The following CNTNAP2 variants were observed in gnomAD, a reference collection of about 807,000 sequenced individuals.
The protein encoded by CNTNAP2 is contactin associated protein 2.
Under a neutral mutation model 155.2 loss-of-function variants are expected in CNTNAP2, and 98 were observed. The ratio of observed to expected loss-of-function variants is 0.63; its 90% CI spans 0.54 to 0.75. The LOEUF (loss-of-function observed/expected upper bound fraction) is 0.75. CNTNAP2 is among the 30% of genes least tolerant of loss of function. The probability of loss-of-function intolerance (pLI) is 0.00; values close to 1 mark genes in which losing one functional copy is unlikely to be tolerated. For missense variants in CNTNAP2, 1,727 were observed against 1,688.1 expected, an observed-to-expected ratio of 1.02 and a Z score of -0.40; for synonymous variants, 651 against 631.2, an observed-to-expected ratio of 1.03 and a Z score of -0.47.
At chr7:147,640,097 G>C (rs1795248523) in intron 13 of CNTNAP2, among the ~76,000 whole-genome samples, 1 of 151,958 alleles carries the variant, frequency 6.6e-6, no homozygotes, top group Non-Finnish European at 1.5e-5. Context: ...GGAGTGAGTT[G>C]ACCTCTTTTT....
chr7:148,248,578 G>A (rs1796315667), intron 20 of CNTNAP2, among the ~76,000 whole-genome samples: 1 of 152,060 alleles, frequency 6.6e-6, no homozygotes, highest in South Asian at 2.1e-4. Context: ...CTTGTCGTGT[G>A]TATCTGTGGT....
chr7:146,255,294 C>T (rs1482965751), intron 1 of CNTNAP2, among the ~76,000 whole-genome samples: 1 of 152,104 alleles, frequency 6.6e-6, no homozygotes. Flanking sequence ...AATAAACAGC[C>T]CTCACATAAT....
chr7:146,422,296 A>G (rs746423530), intron 1 of CNTNAP2, among the ~76,000 whole-genome samples: 3 of 150,424 alleles, frequency 2.0e-5, no homozygotes, highest in African/African-American at 7.3e-5. Flanking sequence ...TTCTTATGTA[A>G]GAATACATAT....
At chr7:147,039,743 T>G (rs1799224065) in intron 3 of CNTNAP2, among the ~76,000 whole-genome samples, 1 of 152,202 alleles carries the variant, frequency 6.6e-6, no homozygotes, top group Non-Finnish European at 1.5e-5. Flanking sequence ...CTTTGAGGAA[T>G]CATCATACTG....
chr7:146,201,913 G>C (rs1798868667), intron 1 of CNTNAP2, among the ~76,000 whole-genome samples: 1 of 152,056 alleles, frequency 6.6e-6, no homozygotes, highest in East Asian at 1.9e-4. Flanking sequence ...AGCAATTGTA[G>C]TAAGGTTAGT....
chr7:147,640,541 T>C (rs1256280448), intron 13 of CNTNAP2, among the ~76,000 whole-genome samples: 1 of 152,154 alleles, frequency 6.6e-6, no homozygotes, highest in Non-Finnish European at 1.5e-5. Flanking sequence ...CAATGGGCTG[T>C]TGGATGCCCC....
rs1563198343 is a variant in CNTNAP2, at chr7:148,097,371, A to ACC, written c.2384-20747_2384-20746insCC. The stretch of plus-strand genomic sequence containing the variant: ...AAAAAAAAAAAAAAAAACCATAAAA[A>ACC]ATAAAAATAAAAATAAAAAAATTAA... On this transcript the variant is annotated intron_variant, in intron 15 of 23. Transcript: ENST00000361727. Among the ~76,000 whole-genome samples the ACC allele has an allele frequency of 6.9e-3, 983 of 142,764 alleles. 52 individuals carry two copies. In the East Asian group the frequency reaches 0.14, roughly 20 times the overall value. The allele number at this position is 142,764 out of a possible 152,430, so 93.7% of individuals were successfully genotyped here.
chr7:147,483,249 A>C (rs1039688045), intron 10 of CNTNAP2, among the ~76,000 whole-genome samples: 1 of 152,106 alleles, frequency 6.6e-6, no homozygotes, highest in Non-Finnish European at 1.5e-5. Context: ...GATAAATCTA[A>C]GTAATCTAGA....
chr7:146,201,176 A>C (rs1798854143), intron 1 of CNTNAP2, among the ~76,000 whole-genome samples: 1 of 152,172 alleles, frequency 6.6e-6, no homozygotes, highest in South Asian at 2.1e-4. Context: ...AGAACATACA[A>C]ATATATAAAA....
intron 13 of CNTNAP2, among the ~76,000 whole-genome samples, chr7:147,838,855 C>A (rs929369226): frequency 5.9e-5 from 9 of 152,132 alleles, no homozygotes; most frequent in African/African-American, 1.9e-4. Flanking sequence ...TTTTTGGTAT[C>A]TTTTCAGTAG....
chr7:146,639,472 A>C (rs561271823), intron 1 of CNTNAP2, among the ~76,000 whole-genome samples: 1 of 152,182 alleles, frequency 6.6e-6, no homozygotes, highest in Non-Finnish European at 1.5e-5. Context: ...GATTATTCCC[A>C]TTTTATGGGG....
chr7:147,625,376 T>C (rs1375186232), intron 12 of CNTNAP2, among the ~76,000 whole-genome samples: 2 of 152,162 alleles, frequency 1.3e-5, no homozygotes, highest in South Asian at 2.1e-4. Context: ...CATAAATATA[T>C]ATACCTATGA....
intron 4 of CNTNAP2, among the ~76,000 whole-genome samples, chr7:147,100,641 G>A (rs967994257): frequency 3.9e-5 from 6 of 152,172 alleles, no homozygotes; most frequent in Admixed American, 3.9e-4. Flanking sequence ...GACACTCATA[G>A]TTGTAAGAGT....
At chr7:148,141,718 G>A (rs1805075309) in intron 16 of CNTNAP2, among the ~76,000 whole-genome samples, 2 of 152,116 alleles carry the variant, frequency 1.3e-5, no homozygotes, top group Admixed American at 1.3e-4. Context: ...TTAAAAATCA[G>A]GATTAAAGGG....
At chr7:146,496,476 G>T in intron 1 of CNTNAP2, among the ~76,000 whole-genome samples, 1 of 152,120 alleles carries the variant, frequency 6.6e-6, no homozygotes, top group East Asian at 1.9e-4. Context: ...GAGAACAATT[G>T]AAACTAAAAT....
At chr7:146,968,451 T>C (rs1323206227) in intron 3 of CNTNAP2, among the ~76,000 whole-genome samples, 11 of 151,862 alleles carry the variant, frequency 7.2e-5, no homozygotes, top group Non-Finnish European at 1.5e-5. Context: ...GGACTCTTTT[T>C]GGTTGGTAAG....
chr7:146,197,714 G>A (rs561906280), intron 1 of CNTNAP2, among the ~76,000 whole-genome samples: 1 of 152,186 alleles, frequency 6.6e-6, no homozygotes, highest in East Asian at 1.9e-4. Context: ...ACAGTATGCT[G>A]ACTTCATTTC....
chr7:146,949,932 G>T (rs184341495), intron 3 of CNTNAP2, among the ~76,000 whole-genome samples: 1 of 152,042 alleles, frequency 6.6e-6, no homozygotes, highest in Non-Finnish European at 1.5e-5. Context: ...ATCACTTGAG[G>T]AAAACAATGA....
chr7:146,311,092 T>C (rs1167931771), intron 1 of CNTNAP2, among the ~76,000 whole-genome samples: 1 of 152,208 alleles, frequency 6.6e-6, no homozygotes, highest in Admixed American at 6.5e-5. Context: ...AATCAATTCA[T>C]TGTGATTCTG....
Sources: gnomAD v4.1 joint callset for allele counts (sites outside exome capture counted in the v4.1 genomes callset) on GRCh38, gnomAD v4.1.1 for gene constraint, MANE v1.5 for transcripts, NCBI Gene and HGNC (gene_info 2026-07-23, HGNC 2026-07-21) for gene names.